Variants in SLC39A9 observed in about 807,000 individuals in gnomAD.
SLC39A9 encodes zinc transporter ZIP9.
A neutral mutation model predicts 28.4 loss-of-function variants in SLC39A9; 14 were observed. The observed-to-expected ratio is 0.49, with a 90% CI of 0.33 to 0.77. SLC39A9 has a LOEUF of 0.77. Ranked by LOEUF, SLC39A9 falls within the 30% of genes least tolerant of loss-of-function variation. The pLI is 0.02. For missense variants in SLC39A9, 283 were observed against 381.1 expected, an observed-to-expected ratio of 0.74 and a Z score of 2.14; for synonymous variants, 119 against 149.6, an observed-to-expected ratio of 0.80 and a Z score of 1.49.
Position 69,458,612 on chromosome 14 carries a change from T to C in SLC39A9, c.*19T>C. 6.3e-7 allele frequency: 1 copy of C among 1,587,846 alleles called. No individual in the cohort carries two copies. The highest frequency in any genetic ancestry group is 2.3e-5 in the East Asian group (1 of 43,970). The stretch of plus-strand genomic sequence containing the variant: ...GCATTAAATGTTCAAGGTCCAGCCT[T>C]GGTCCAGGGCCGTTTGCCATCCAGT... On this transcript the variant is annotated 3_prime_UTR_variant, in exon 7 of 7. Coordinates refer to ENST00000336643, the MANE Select transcript of SLC39A9 (RefSeq NM_018375.5).
chr14:69,447,748 C>CA lies in SLC39A9; in HGVS notation c.404-5486dup, dbSNP rs1174467380. 6.0e-5 allele frequency among the ~76,000 whole-genome samples: 9 copies of CA among 151,260 alleles called. No individual in the cohort carries two copies. The South Asian group carries it at 1.0e-3, about 18-fold the overall frequency. ...GCAACATGTCAAAACCTTTTTTCTA[C>CA]AAAAAAATACAAAAATTAGCTGGTC... On this transcript the variant is annotated intron_variant, in intron 3 of 6. Coordinates refer to ENST00000336643, the MANE Select transcript of SLC39A9 (RefSeq NM_018375.5).
At chr14:69,450,660 C>A (rs1177357028) in intron 3 of SLC39A9, among the ~76,000 whole-genome samples, 1 of 152,160 alleles carries the variant, frequency 6.6e-6, no homozygotes, top group Non-Finnish European at 1.5e-5. Flanking sequence ...TGCCTGTAAT[C>A]ACAGCTACTC....
intron 1 of SLC39A9, among the ~76,000 whole-genome samples, chr14:69,421,748 T>C (rs886127099): frequency 2.6e-5 from 4 of 152,170 alleles, no homozygotes; most frequent in African/African-American, 7.2e-5. Context: ...CTCCTTGAAG[T>C]TGGATCTTGG....
chr14:69,398,663 T>A (rs931662381), upstream of SLC39A9: 1 of 253,456 alleles, frequency 3.9e-6, no homozygotes, highest in East Asian at 1.2e-4. Flanking sequence ...AAGGAGGGGG[T>A]GGTTAGACAA....
intron 1 of SLC39A9, among the ~76,000 whole-genome samples, chr14:69,416,890 A>C (rs1883606315): frequency 6.6e-6 from 1 of 152,300 alleles, no homozygotes; most frequent in African/African-American, 2.4e-5. Flanking sequence ...TCAGATGGGT[A>C]GATGCAAAAA....
At chr14:69,457,326 C>T (rs1281390260) in intron 6 of SLC39A9, among the ~76,000 whole-genome samples, 5 of 152,038 alleles carry the variant, frequency 3.3e-5, no homozygotes, top group South Asian at 2.1e-4. Flanking sequence ...CCCCAGCTTC[C>T]GGAGTAGCTG....
chr14:69,441,422 A>G (rs181724547), intron 2 of SLC39A9, among the ~76,000 whole-genome samples: 200 of 152,340 alleles, frequency 1.3e-3, no homozygotes, highest in African/African-American at 4.6e-3. Flanking sequence ...CAAATATGTT[A>G]CTGTAAACTG....
intron 2 of SLC39A9, among the ~76,000 whole-genome samples, chr14:69,434,073 C>CTTT (rs1566917650): frequency 1.1e-3 from 149 of 139,316 alleles, no homozygotes; most frequent in African/African-American, 3.8e-3. Context: ...GCATGTAATT[C>CTTT]TTTTCTTTTC....
intron 1 of SLC39A9, 135 bp downstream of exon 1, chr14:69,399,600 A>T: frequency 1.5e-6 from 1 of 650,918 alleles, no homozygotes; most frequent in Non-Finnish European, 2.7e-6. Context: ...TTTTTAAAAG[A>T]TACATGACAC....
At chr14:69,437,907 T>A (rs1055216226) in intron 2 of SLC39A9, among the ~76,000 whole-genome samples, 6 of 152,134 alleles carry the variant, frequency 3.9e-5, no homozygotes, top group African/African-American at 1.4e-4. Flanking sequence ...ATATTACCTT[T>A]CAGCTAAGCT....
At chr14:69,429,522 C>A (rs759700187) in intron 2 of SLC39A9, 4 of 152,124 alleles carry the variant, frequency 2.6e-5, no homozygotes, top group Non-Finnish European at 5.9e-5. Flanking sequence ...TGCATACTTA[C>A]AGGTGCCAGC....
At position 69,461,800 on chromosome 14, in the gene SLC39A9, C is replaced by T; in HGVS notation, c.*3207C>T. The T allele has an allele frequency of 6.7e-7, 1 of 1,496,658 alleles. No individual in the cohort carries two copies. Among genetic ancestry groups the T allele is most frequent in the Admixed American group, 2.1e-5 (1 of 48,708 alleles). The allele number at this position is 1,496,658 out of a possible 1,614,324, so 92.7% of individuals were successfully genotyped here. On this transcript the variant is annotated 3_prime_UTR_variant, in exon 7 of 7. Coordinates refer to ENST00000336643, the MANE Select transcript of SLC39A9 (RefSeq NM_018375.5). ...GAACCGTATGACAGCAGCACAAACC[C>T]CCAAAGGATGTTCCTGCCTTGTGGG...
chr14:69,462,117 C>A lies in SLC39A9; in HGVS notation c.*3524C>A, dbSNP rs182292760. 1.1e-4 allele frequency: 18 copies of A among 163,486 alleles called. No homozygotes were observed. Among genetic ancestry groups the A allele is most frequent in the Admixed American group, 8.8e-4 (14 of 15,978 alleles). The allele number at this position is 163,486 out of a possible 1,614,324, so 10.1% of individuals were successfully genotyped here. A position where few individuals can be genotyped will look rare whatever the true frequency, so the allele number is the denominator to read the frequency against. On this transcript the variant is annotated 3_prime_UTR_variant, in exon 7 of 7. Coordinates refer to ENST00000336643, the MANE Select transcript of SLC39A9 (RefSeq NM_018375.5). ...TTAGGAATTCTCTAGATATACTCAG[C>A]CTAACCCAGTGGCTTAACACAAGGA...
intron 2 of SLC39A9, among the ~76,000 whole-genome samples, chr14:69,438,319 C>A (rs1368371597): frequency 2.6e-5 from 4 of 152,196 alleles, no homozygotes; most frequent in East Asian, 1.9e-4. Context: ...CCGCGCCTGA[C>A]CCCCCTCTTT....
At chr14:69,434,576 C>T (rs1419750507) in intron 2 of SLC39A9, among the ~76,000 whole-genome samples, 3 of 151,790 alleles carry the variant, frequency 2.0e-5, no homozygotes, top group South Asian at 2.1e-4. Context: ...ATTAGGTGGG[C>T]GCAGTGACAC....
rs958149659 is a variant in SLC39A9, at chr14:69,459,583, T to C, written c.*990T>C. The C allele has an allele frequency of 3.0e-5, 29 of 976,264 alleles. No homozygotes were observed. In the African/African-American group the frequency reaches 5.1e-4, roughly 17 times the overall value. The allele number at this position is 976,264 out of a possible 1,614,324, so 60.5% of individuals were successfully genotyped here. A position where few individuals can be genotyped will look rare whatever the true frequency, so the allele number is the denominator to read the frequency against. ...TTTTTTTTTTTTTAATTATTTCTCTTAGCAGATCAGCAATCCCTCTAGGGA... is the reference window on the plus strand; with the variant it reads ...TTTTTTTTTTTTTAATTATTTCTCTCAGCAGATCAGCAATCCCTCTAGGGA... On this transcript the variant is annotated 3_prime_UTR_variant, in exon 7 of 7. Coordinates refer to ENST00000336643, the MANE Select transcript of SLC39A9 (RefSeq NM_018375.5).
intron 1 of SLC39A9, among the ~76,000 whole-genome samples, 180 bp downstream of exon 1, chr14:69,399,645 G>C (rs1385125765): frequency 6.6e-6 from 1 of 152,144 alleles, no homozygotes; most frequent in South Asian, 2.1e-4. Flanking sequence ...TTCATTAGTG[G>C]AATTCTTAAC....
chr14:69,461,814 C>T lies in SLC39A9; in HGVS notation c.*3221C>T. 2 of 1,461,004 alleles carry T rather than the reference C, an allele frequency of 1.4e-6. No homozygotes were observed. Among genetic ancestry groups the T allele is most frequent in the Non-Finnish European group, 9.2e-7 (1 of 1,089,600 alleles). 90.5% of individuals were successfully genotyped at this position (1,461,004 alleles called of 1,614,324 possible). On this transcript the variant is annotated 3_prime_UTR_variant, in exon 7 of 7. Transcript: ENST00000336643. The stretch of plus-strand genomic sequence containing the variant: ...CAGCACAAACCCCCAAAGGATGTTC[C>T]TGCCTTGTGGGCCCCTGAGCCCCTT...
chr14:69,407,130 A>G (rs1334067990), intron 1 of SLC39A9, among the ~76,000 whole-genome samples: 6 of 151,530 alleles, frequency 4.0e-5, no homozygotes, highest in East Asian at 2.0e-4. Context: ...GATTACAGGC[A>G]TGAGCCACCA....
Sources: allele counts gnomAD v4.1 joint callset (sites outside exome capture counted in the v4.1 genomes callset), GRCh38; gene constraint gnomAD v4.1.1; transcripts MANE v1.5; gene names NCBI Gene and HGNC (gene_info 2026-07-23, HGNC 2026-07-21).